KLRD1: variants seen among roughly 807,000 people sequenced by gnomAD.
KLRD1 encodes the protein natural killer cells antigen CD94.
KLRD1 carries 21 observed loss-of-function variants against 22.6 expected under a neutral mutation model. The observed-to-expected ratio is 0.93, with a 90% CI of 0.66 to 1.34. The LOEUF (loss-of-function observed/expected upper bound fraction) is 1.34. Ranked by LOEUF, KLRD1 falls within the 40% of genes most tolerant of loss-of-function variation. The pLI is 0.00. For synonymous variants in KLRD1, 59 were observed against 71.1 expected (o/e 0.83, Z 0.85); for missense variants, 183 against 208.6 (o/e 0.88, Z 0.76).
chr12:10,327,513 T>C lies in KLRD1; in HGVS notation c.*12720T>C, dbSNP rs566074108. 1.3e-5 allele frequency: 2 copies of C among 152,334 alleles called. No individual in the cohort carries two copies. The highest frequency in any genetic ancestry group is 2.9e-5 in the Non-Finnish European group (2 of 68,024). 9.4% of individuals were successfully genotyped at this position (152,334 alleles called of 1,614,324 possible). On this transcript the variant is annotated 3_prime_UTR_variant, in exon 6 of 6. Transcript: ENST00000336164. ...AATATTTTAACTATATGAAGTCTTT[T>C]AATAAATGAATATAGGAGGATTTTT...
chr12:10,254,637 C>T (rs888901179), intron 1 of KLRD1, among the ~76,000 whole-genome samples: 1 of 151,922 alleles, frequency 6.6e-6, no homozygotes, highest in African/African-American at 2.4e-5. Context: ...ACCTGTAATC[C>T]CAGCACTTTG....
chr12:10,314,687 AAACTTTTAATACAAAG>A lies in KLRD1; in HGVS notation c.439_454del (p.Phe147AlafsTer2). ...CTTCATTACAGATTTCCATCATTTG[AAACTTTTAATACAAAG>A]AACTGCATAGCGTATAATCCAAATG... On this transcript the variant is annotated frameshift_variant, in exon 6 of 6. Coordinates refer to ENST00000336164, the MANE Select transcript of KLRD1 (RefSeq NM_002262.5). LOFTEE classifies it low-confidence loss of function (END_TRUNC). The A allele has an allele frequency of 6.4e-7, 1 of 1,571,542 alleles. No individual in the cohort carries two copies. The highest frequency in any genetic ancestry group is 8.6e-7 in the Non-Finnish European group (1 of 1,162,996).
chr12:10,252,259 A>T (rs12310669), intron 1 of KLRD1, among the ~76,000 whole-genome samples: 10,992 of 152,134 alleles, frequency 0.072, 755 homozygotes, highest in African/African-American at 0.16. Flanking sequence ...CAACATATTT[A>T]TGTTCTATAA....
rs534556787 is a variant in KLRD1 at position 10,270,693 on chromosome 12, C to G, written c.-100-37285C>G. On this transcript the variant is annotated intron_variant, in intron 1 of 5. Transcript: ENST00000544747. The stretch of plus-strand genomic sequence containing the variant: ...GATGTAGATATGCGCTGTTTATGAA[C>G]TAACAAGTTGCCCTAGTAAAGAACT... Among the ~76,000 whole-genome samples the G allele has an allele frequency of 4.4e-4, 67 of 152,138 alleles. 1 individual carries two copies. In the South Asian group the frequency reaches 5.4e-3, roughly 12 times the overall value.
rs570283871 is a variant in KLRD1, at chr12:10,251,334, A to C, written c.-101+25101A>C. 3.7e-3 allele frequency among the ~76,000 whole-genome samples: 567 copies of C among 152,170 alleles called. 5 individuals are homozygous for C. Among genetic ancestry groups the C allele is most frequent in the African/African-American group, 0.012 (513 of 41,512 alleles). ...GAGATAGGGCTTCACCATGTTGTCC[A>C]GGCTGGTCTCAAACTCCTGACCTCA... is the stretch of plus-strand genomic sequence containing the variant. On this transcript the variant is annotated intron_variant, in intron 1 of 5. Coordinates refer to the KLRD1 transcript ENST00000544747.
chr12:10,296,515 C>CAAAAAT (rs1223237506), intron 1 of KLRD1, among the ~76,000 whole-genome samples: 1 of 151,396 alleles, frequency 6.6e-6, no homozygotes, highest in South Asian at 2.1e-4. Context: ...GACTCCGTCT[C>CAAAAAT]AAAAATAAAA....
upstream of KLRD1, among the ~76,000 whole-genome samples, chr12:10,305,288 T>C (rs1291823073): frequency 6.6e-6 from 1 of 152,214 alleles, no homozygotes; most frequent in Non-Finnish European, 1.5e-5. Context: ...TTTGGCAGGA[T>C]ACCTAACTTT....
rs747682211 is a variant in KLRD1, at chr12:10,256,500, GTTAAC to G, written c.-101+30272_-101+30276del. Among the ~76,000 whole-genome samples, 64 of 132,882 alleles carry G rather than the reference GTTAAC, an allele frequency of 4.8e-4. 1 individual carries two copies. The highest frequency in any genetic ancestry group is 3.7e-3 in the Middle Eastern group (1 of 272). The allele number at this position is 132,882 out of a possible 152,430, so 87.2% of individuals were successfully genotyped here. ...CTTTTGTGTATATTCTATAATTTGT[GTTAAC>G]TTAAAGATTATTTATAATATTTAAA... On this transcript the variant is annotated intron_variant, in intron 1 of 5. Coordinates refer to the KLRD1 transcript ENST00000544747.
intron 1 of KLRD1, among the ~76,000 whole-genome samples, chr12:10,268,032 C>G (rs117755845): frequency 0.017 from 2,528 of 152,192 alleles, 37 homozygotes; most frequent in Non-Finnish European, 0.024. Context: ...TGTTAAGAAA[C>G]TAATCAGTAA....
At chr12:10,282,885 T>C (rs187267194) in intron 1 of KLRD1, among the ~76,000 whole-genome samples, 81 of 152,270 alleles carry the variant, frequency 5.3e-4, no homozygotes, top group Admixed American at 1.4e-3. Flanking sequence ...AGAAGTAGCA[T>C]TGGGGCTAGA....
chr12:10,261,009 T>C (rs888458160), intron 1 of KLRD1, among the ~76,000 whole-genome samples: 1 of 152,048 alleles, frequency 6.6e-6, no homozygotes, highest in African/African-American at 2.4e-5. Flanking sequence ...TTAGGAGCAA[T>C]TGCCTTAGCA....
At chr12:10,279,588 T>C (rs1949622292) in intron 1 of KLRD1, among the ~76,000 whole-genome samples, 1 of 152,228 alleles carries the variant, frequency 6.6e-6, no homozygotes. Context: ...CCATTATTTC[T>C]GTTTACAAAT....
chr12:10,249,400 A>G (rs909476089), intron 1 of KLRD1, among the ~76,000 whole-genome samples: 2 of 152,252 alleles, frequency 1.3e-5, no homozygotes, highest in Non-Finnish European at 2.9e-5. Context: ...TTTCTCATTC[A>G]ATCCCTAGAA....
At chr12:10,284,969 G>A (rs897891536) in intron 1 of KLRD1, among the ~76,000 whole-genome samples, 16 of 149,248 alleles carry the variant, frequency 1.1e-4, no homozygotes, top group South Asian at 6.3e-4. Context: ...CAACAAGAGC[G>A]AAACTCCATC....
rs1202540948 is a variant in KLRD1, at chr12:10,319,236, ACT to A, written c.*4448_*4449del. ...ATGAGAATATAAGGCCATAAATTCT[ACT>A]CTCTGCTTTATTCTTTTCCAGGTCA... is the stretch of plus-strand genomic sequence containing the variant. On this transcript the variant is annotated 3_prime_UTR_variant, in exon 6 of 6. Transcript: ENST00000336164. 1 of 152,108 alleles carries A rather than the reference ACT, an allele frequency of 6.6e-6. No individual in the cohort carries two copies. Among genetic ancestry groups the A allele is most frequent in the African/African-American group, 2.4e-5 (1 of 41,418 alleles). The allele number at this position is 152,108 out of a possible 1,614,324, so 9.4% of individuals were successfully genotyped here. A position where few individuals can be genotyped will look rare whatever the true frequency, so the allele number is the denominator to read the frequency against.
chr12:10,299,943 T>G (rs1251423622), upstream of KLRD1, among the ~76,000 whole-genome samples: 1 of 152,210 alleles, frequency 6.6e-6, no homozygotes, highest in African/African-American at 2.4e-5. Flanking sequence ...TACTCATATA[T>G]TCACGTTTTC....
At chr12:10,262,244 T>C (rs1949460649) in intron 1 of KLRD1, among the ~76,000 whole-genome samples, 2 of 152,082 alleles carry the variant, frequency 1.3e-5, no homozygotes, top group Admixed American at 1.3e-4. Flanking sequence ...TTGATGGGAC[T>C]GGAGCTCAAT....
At chr12:10,282,527 G>T (rs1949655506) in intron 1 of KLRD1, among the ~76,000 whole-genome samples, 2 of 152,188 alleles carry the variant, frequency 1.3e-5, no homozygotes, top group South Asian at 4.2e-4. Flanking sequence ...AAAGTGCTGG[G>T]ATTACAGGTG....
Position 10,317,098 on chromosome 12 carries a change from G to T in KLRD1, c.*2305G>T, listed in dbSNP as rs1371829474. On this transcript the variant is annotated 3_prime_UTR_variant, in exon 6 of 6. Transcript: ENST00000336164. Reference sequence around the variant, plus strand: ...GGTTTCCAGCTTCATCCATGTCGCTGCAAAGGACATGAACTCATTCTTTTT... The same window carrying T: ...GGTTTCCAGCTTCATCCATGTCGCTTCAAAGGACATGAACTCATTCTTTTT... 6.6e-6 allele frequency: 1 copy of T among 152,160 alleles called. No homozygotes were observed. The highest frequency in any genetic ancestry group is 1.5e-5 in the Non-Finnish European group (1 of 68,052). 9.4% of individuals were successfully genotyped at this position (152,160 alleles called of 1,614,324 possible).
Sources: gnomAD v4.1 joint callset for allele counts (sites outside exome capture counted in the v4.1 genomes callset) on GRCh38, gnomAD v4.1.1 for gene constraint, MANE v1.5 for transcripts, NCBI Gene and HGNC (gene_info 2026-07-23, HGNC 2026-07-21) for gene names.